RNF216: variants seen among roughly 807,000 people sequenced by gnomAD.
The protein encoded by RNF216 is ring finger protein 216, also known as E3 ubiquitin-protein ligase RNF216.
A neutral mutation model predicts 110.8 loss-of-function variants in RNF216; 72 were observed. That is an observed-to-expected ratio of 0.65 (90% CI 0.54 to 0.79). The LOEUF (loss-of-function observed/expected upper bound fraction) is 0.79. Among genes scored for constraint, RNF216 ranks in the 30% least tolerant of loss-of-function variants. The pLI is 0.00. For missense variants in RNF216, 1,342 were observed against 1,141.2 expected, an observed-to-expected ratio of 1.18 and a Z score of -2.54; for synonymous variants, 495 against 407.5, an observed-to-expected ratio of 1.21 and a Z score of -2.59.
intron 13 of RNF216, among the ~76,000 whole-genome samples, chr7:5,666,328 AG>A (rs1789520402): frequency 6.6e-6 from 1 of 152,058 alleles, no homozygotes; most frequent in Non-Finnish European, 1.5e-5. Flanking sequence ...TGGGGTGGAG[AG>A]GGGGAAATAG....
At chr7:5,719,525 T>C (rs563105752) in intron 9 of RNF216, among the ~76,000 whole-genome samples, 1 of 152,306 alleles carries the variant, frequency 6.6e-6, no homozygotes, top group South Asian at 2.1e-4. Context: ...AGAGACTAAC[T>C]TGAAGGGGCA....
chr7:5,656,937 C>T (rs766974543), intron 13 of RNF216, among the ~76,000 whole-genome samples: 2 of 152,168 alleles, frequency 1.3e-5, no homozygotes, highest in Non-Finnish European at 2.9e-5. Context: ...ATCTTGAGAC[C>T]TTTGGGTCTG....
chr7:5,639,144 T>C (rs1364374255), intron 15 of RNF216, among the ~76,000 whole-genome samples: 3 of 152,184 alleles, frequency 2.0e-5, no homozygotes, highest in Non-Finnish European at 2.9e-5. Flanking sequence ...AAGTGACCTG[T>C]TGCAGCTTCT....
intron 1 of RNF216, among the ~76,000 whole-genome samples, chr7:5,762,410 C>A (rs1188938773): frequency 1.3e-5 from 2 of 151,862 alleles, no homozygotes; most frequent in African/African-American, 4.8e-5. Flanking sequence ...GTAATCCCAG[C>A]ACTTTGGGAG....
chr7:5,714,545 A>G (rs1792920629), intron 11 of RNF216, among the ~76,000 whole-genome samples: 1 of 151,832 alleles, frequency 6.6e-6, no homozygotes, highest in South Asian at 2.1e-4. Context: ...GGCGTGAGCC[A>G]CCCGGGCAAA....
At chr7:5,653,600 C>CAAAAAAAAAAAAAAA (rs34530431) in intron 13 of RNF216, among the ~76,000 whole-genome samples, 7 of 50,484 alleles carry the variant, frequency 1.4e-4, no homozygotes, top group African/African-American at 2.6e-4. Context: ...GACTCTGTCT[C>CAAAAAAAAAAAAAAA]AAAAAAAAAA....
At chr7:5,779,169 G>A (rs945792531) in intron 1 of RNF216, among the ~76,000 whole-genome samples, 2 of 152,170 alleles carry the variant, frequency 1.3e-5, no homozygotes, top group Non-Finnish European at 2.9e-5. Context: ...ATAGTAGCTG[G>A]TAGTAGAATC....
At chr7:5,636,606 T>C (rs1787410384) in intron 15 of RNF216, among the ~76,000 whole-genome samples, 1 of 152,212 alleles carries the variant, frequency 6.6e-6, no homozygotes, top group African/African-American at 2.4e-5. Context: ...TGAATGGCTT[T>C]GTGTTCTCAG....
rs371833754 is a variant in RNF216 at position 5,652,525 on chromosome 7, C to T, written c.2062-15G>A. On this transcript the variant is annotated splice_polypyrimidine_tract_variant and intron_variant, in intron 13 of 16. Transcript: ENST00000389902. ...CTACAGGTTTCCTGGGGATAAAGGACAGACACAAAGACAACTCCTGGTGAG... is the reference window on the plus strand; with the variant it reads ...CTACAGGTTTCCTGGGGATAAAGGATAGACACAAAGACAACTCCTGGTGAG... 3.2e-5 allele frequency: 50 copies of T among 1,580,112 alleles called. No homozygotes were observed. The highest frequency in any genetic ancestry group is 4.0e-5 in the African/African-American group (3 of 74,250).
intron 15 of RNF216, among the ~76,000 whole-genome samples, chr7:5,632,733 C>T (rs538328388): frequency 3.6e-4 from 55 of 152,168 alleles, no homozygotes; most frequent in South Asian, 2.5e-3. Context: ...GCCAAGATCA[C>T]GCGACTGCAT....
rs760450229 is a variant in RNF216, at chr7:5,741,344, C to T, written c.673G>A (p.Glu225Lys). 4.3e-6 allele frequency: 7 copies of T among 1,614,014 alleles called. No individual in the cohort carries two copies. The highest frequency in any genetic ancestry group is 2.7e-5 in the African/African-American group (2 of 74,908). The change falls in exon 4 of 17, where the codon GAA becomes AAA. Residue 225 changes from glutamate (E) to lysine (K), a missense_variant. Glu to Lys is a moderately conservative substitution (Grantham distance 56). Coordinates refer to ENST00000389902, the MANE Select transcript of RNF216 (RefSeq NM_207111.4). ...GGATGATCTAACCAGCAGTCTTCTTCGATGGCCTGATCATCTGCTAGAGCA... is the reference window on the plus strand; with the variant it reads ...GGATGATCTAACCAGCAGTCTTCTTTGATGGCCTGATCATCTGCTAGAGCA... Reference protein sequence around the residue: ...SAALADDQAIEEDCWLDHPYF... With the variant: ...SAALADDQAIKEDCWLDHPYF...
At chr7:5,675,436 G>C (rs1481247051) in intron 13 of RNF216, among the ~76,000 whole-genome samples, 1 of 152,136 alleles carries the variant, frequency 6.6e-6, no homozygotes, top group Non-Finnish European at 1.5e-5. Flanking sequence ...CCAGGAGTTT[G>C]AGACAAGCCT....
intron 13 of RNF216, among the ~76,000 whole-genome samples, chr7:5,684,753 C>T (rs1200955645): frequency 6.6e-6 from 1 of 152,222 alleles, no homozygotes; most frequent in Non-Finnish European, 1.5e-5. Context: ...CAAGGCACCT[C>T]ACATATAGTT....
chr7:5,626,846 G>A (rs944771581), intron 15 of RNF216, among the ~76,000 whole-genome samples: 2 of 152,166 alleles, frequency 1.3e-5, no homozygotes, highest in Non-Finnish European at 2.9e-5. Context: ...GTATGTAAAG[G>A]ATGTAGCCCA....
At chr7:5,716,821 A>C in intron 9 of RNF216, 55 bp from the exon 10 acceptor site, 1 of 1,314,080 alleles carries the variant, frequency 7.6e-7, no homozygotes, top group Non-Finnish European at 1.1e-6. Context: ...AATGACACTA[A>C]CCATTTAGTA....
chr7:5,689,603 G>C (rs1022435547), intron 13 of RNF216, among the ~76,000 whole-genome samples: 2 of 152,116 alleles, frequency 1.3e-5, no homozygotes, highest in African/African-American at 2.4e-5. Flanking sequence ...TGTAGTTTTA[G>C]GGCTGTAATT....
At chr7:5,636,087 G>T (rs1426349848) in intron 15 of RNF216, among the ~76,000 whole-genome samples, 4 of 152,196 alleles carry the variant, frequency 2.6e-5, no homozygotes, top group Admixed American at 2.6e-4. Context: ...ACTGCCAGGT[G>T]CCTGTTCCTC....
intron 13 of RNF216, among the ~76,000 whole-genome samples, chr7:5,703,140 C>T (rs1007873257): frequency 2.6e-5 from 4 of 152,236 alleles, no homozygotes; most frequent in Non-Finnish European, 2.9e-5. Context: ...ATATTTGACT[C>T]ACATCATGCA....
chr7:5,715,071 T>A lies in RNF216; in HGVS notation c.1815A>T (p.Ala605=). The change falls in exon 11 of 17, where the codon GCA becomes GCT. Residue 605 remains alanine, a synonymous_variant. Transcript: ENST00000389902. ...KECLIRYAQE[A]VFGSGKLELS... The stretch of plus-strand genomic sequence containing the variant: ...TTCTTACCTTTCCAGATCCAAAGAC[T>A]GCCTCTTGGGCATATCTGATGAGAC... The A allele has an allele frequency of 1.2e-6, 2 of 1,613,448 alleles. No individual in the cohort carries two copies. The highest frequency in any genetic ancestry group is 8.5e-7 in the Non-Finnish European group (1 of 1,179,748).
Sources: gnomAD v4.1 joint callset for allele counts (sites outside exome capture counted in the v4.1 genomes callset) on GRCh38, gnomAD v4.1.1 for gene constraint, MANE v1.5 for transcripts, NCBI Gene and HGNC (gene_info 2026-07-23, HGNC 2026-07-21) for gene names.